MRPS28: variants seen among roughly 807,000 people sequenced by gnomAD.
MRPS28 encodes mitochondrial ribosomal protein S28.
Under a neutral mutation model 10.8 loss-of-function variants are expected in MRPS28, and 7 were observed. The observed-to-expected ratio is 0.65, with a 90% CI of 0.37 to 1.22. The LOEUF (loss-of-function observed/expected upper bound fraction) is 1.22. Ranked by LOEUF, MRPS28 falls within the 50% of genes most tolerant of loss-of-function variation. The pLI is 0.02. For missense variants in MRPS28, 265 were observed against 232.9 expected, an observed-to-expected ratio of 1.14 and a Z score of -0.90; for synonymous variants, 121 against 93.3, an observed-to-expected ratio of 1.30 and a Z score of -1.71.
intron 2 of MRPS28, among the ~76,000 whole-genome samples, chr8:79,929,685 G>A (rs887822965): frequency 2.6e-5 from 4 of 151,950 alleles, no homozygotes; most frequent in Non-Finnish European, 4.4e-5. Flanking sequence ...AGTTTAATAC[G>A]AGAAAGAACT....
At chr8:79,947,475 A>C (rs773361260) in intron 2 of MRPS28, among the ~76,000 whole-genome samples, 3 of 152,122 alleles carry the variant, frequency 2.0e-5, no homozygotes, top group Non-Finnish European at 2.9e-5. Flanking sequence ...GATTACATTA[A>C]ATCTATAGAC....
At chr8:80,011,126 T>A (rs1054265849) in intron 1 of MRPS28, among the ~76,000 whole-genome samples, 7 of 147,898 alleles carry the variant, frequency 4.7e-5, no homozygotes, top group Non-Finnish European at 5.9e-5. Context: ...CTTTTTTTTT[T>A]ATTTTTTTAT....
At chr8:79,925,049 C>T (rs1010301190) in intron 2 of MRPS28, among the ~76,000 whole-genome samples, 13 of 151,998 alleles carry the variant, frequency 8.6e-5, no homozygotes, top group African/African-American at 3.1e-4. Context: ...CCAAGATTAA[C>T]AAAATAAACA....
intron 2 of MRPS28, among the ~76,000 whole-genome samples, chr8:79,920,021 A>G (rs1263630098): frequency 1.3e-3 from 183 of 138,104 alleles, no homozygotes; most frequent in Admixed American, 2.5e-3. Context: ...GTTCCCACCT[A>G]TAAGTGAGAA....
chr8:80,028,257 G>T (rs964638630), intron 1 of MRPS28, among the ~76,000 whole-genome samples: 1 of 152,158 alleles, frequency 6.6e-6, no homozygotes, highest in Admixed American at 6.5e-5. Context: ...AAGCGTGAGT[G>T]AGAAATATTA....
chr8:79,961,302 T>A (rs999453889), intron 2 of MRPS28, among the ~76,000 whole-genome samples: 1 of 152,112 alleles, frequency 6.6e-6, no homozygotes, highest in African/African-American at 2.4e-5. Context: ...GATATCCCAG[T>A]ATACACAATA....
At chr8:80,007,039 C>T (rs1443495409) in intron 1 of MRPS28, among the ~76,000 whole-genome samples, 3 of 152,064 alleles carry the variant, frequency 2.0e-5, no homozygotes, top group Admixed American at 6.6e-5. Flanking sequence ...ACTGGCAAAC[C>T]GAATCCAGCA....
chr8:79,960,446 G>C (rs757819004), intron 2 of MRPS28, among the ~76,000 whole-genome samples: 2 of 152,192 alleles, frequency 1.3e-5, no homozygotes, highest in Admixed American at 6.6e-5. Flanking sequence ...AAAGCACTTC[G>C]ATATGCTTTC....
intron 1 of MRPS28, among the ~76,000 whole-genome samples, chr8:80,022,957 C>T (rs1176945516): frequency 1.3e-5 from 2 of 152,162 alleles, no homozygotes; most frequent in Non-Finnish European, 2.9e-5. Context: ...AAAATACATA[C>T]AGAACATATA....
chr8:79,984,796 A>G lies in MRPS28; in HGVS notation c.395+18203T>C, dbSNP rs188878607. Among the ~76,000 whole-genome samples, 285 of 152,316 alleles carry G rather than the reference A, an allele frequency of 1.9e-3. 1 individual carries two copies. Among genetic ancestry groups the G allele is most frequent in the African/African-American group, 6.6e-3 (276 of 41,558 alleles). Reference sequence around the variant, plus strand: ...AAAGCAAGTCCTGAGTGACCTACAAAGAGACTTAGACTCCCACTCAATAAT... The same window carrying G: ...AAAGCAAGTCCTGAGTGACCTACAAGGAGACTTAGACTCCCACTCAATAAT... On this transcript the variant is annotated intron_variant, in intron 2 of 2. Coordinates refer to ENST00000276585, the MANE Select transcript of MRPS28 (RefSeq NM_014018.3).
intron 2 of MRPS28, among the ~76,000 whole-genome samples, chr8:79,989,519 C>G (rs191575553): frequency 3.1e-3 from 478 of 152,210 alleles, no homozygotes; most frequent in Middle Eastern, 0.01. Context: ...GAATAATATA[C>G]TTGGCAAAGC....
At chr8:80,005,274 T>G (rs1808802686) in intron 1 of MRPS28, among the ~76,000 whole-genome samples, 1 of 152,186 alleles carries the variant, frequency 6.6e-6, no homozygotes, top group Non-Finnish European at 1.5e-5. Flanking sequence ...GCCATCAGAC[T>G]AACAGCGGAT....
intron 1 of MRPS28, among the ~76,000 whole-genome samples, chr8:80,009,535 G>GAACTCAGGAGGCAGAGTTGGAAA (rs1808968385): frequency 6.6e-6 from 1 of 151,986 alleles, no homozygotes. Context: ...AGAATCACTT[G>GAACTCAGGAGGCAGAGTTGGAAA]AACTCAGGAG....
chr8:79,978,798 C>G (rs1388796623), intron 2 of MRPS28, among the ~76,000 whole-genome samples: 1 of 151,956 alleles, frequency 6.6e-6, no homozygotes, highest in Non-Finnish European at 1.5e-5. Context: ...GGATAACCAC[C>G]CCTTAGGAAA....
At chr8:80,023,489 T>C (rs1173239843) in intron 1 of MRPS28, among the ~76,000 whole-genome samples, 5 of 152,106 alleles carry the variant, frequency 3.3e-5, no homozygotes, top group Admixed American at 6.5e-5. Context: ...TTCTGTCTTC[T>C]GGAATATTCG....
intron 2 of MRPS28, among the ~76,000 whole-genome samples, chr8:79,965,030 A>G (rs1300928740): frequency 6.6e-6 from 1 of 152,142 alleles, no homozygotes; most frequent in African/African-American, 2.4e-5. Flanking sequence ...GATGCTGTAT[A>G]TGTGACATAG....
In MRPS28 at chr8:80,014,077, CAAG is replaced by C. The variant is rs1809132732; in HGVS notation, c.214-10900_214-10898del. 6.6e-5 allele frequency among the ~76,000 whole-genome samples: 10 copies of C among 151,930 alleles called. No individual in the cohort carries two copies. In the South Asian group the frequency reaches 1.2e-3, roughly 19 times the overall value. On this transcript the variant is annotated intron_variant, in intron 1 of 2. Coordinates refer to ENST00000276585, the MANE Select transcript of MRPS28 (RefSeq NM_014018.3). Reference sequence around the variant, plus strand: ...ATAATTAATGAAGCAGAGTGAAATTCAAGAAGAAGAAGCTGTGAAAAAAAGAAA... The same window carrying C: ...ATAATTAATGAAGCAGAGTGAAATTCAAGAAGAAGCTGTGAAAAAAAGAAA...
At chr8:79,969,779 G>A (rs1807584628) in intron 2 of MRPS28, among the ~76,000 whole-genome samples, 1 of 152,008 alleles carries the variant, frequency 6.6e-6, no homozygotes. Context: ...GTTATGTAAG[G>A]TAAGAAGTAA....
intron 2 of MRPS28, among the ~76,000 whole-genome samples, chr8:79,982,243 T>G (rs920449679): frequency 6.6e-6 from 1 of 151,998 alleles, no homozygotes; most frequent in African/African-American, 2.4e-5. Context: ...TGAGACTCCA[T>G]CTCAAAAAAG....
Sources: allele counts gnomAD v4.1 joint callset (sites outside exome capture counted in the v4.1 genomes callset), GRCh38; gene constraint gnomAD v4.1.1; transcripts MANE v1.5; gene names NCBI Gene and HGNC (gene_info 2026-07-23, HGNC 2026-07-21).